EYS: variants seen among roughly 807,000 people sequenced by gnomAD.
EYS encodes protein eyes shut homolog.
A neutral mutation model predicts 282.1 loss-of-function variants in EYS; 250 were observed. The ratio of observed to expected loss-of-function variants is 0.89; its 90% CI spans 0.80 to 0.98. The LOEUF (loss-of-function observed/expected upper bound fraction) is 0.98. EYS is among the 50% of genes least tolerant of loss of function. The pLI is 0.00. For synonymous variants in EYS, 1,355 were observed against 1,282.9 expected, an observed-to-expected ratio of 1.06 and a Z score of -1.20; for missense variants, 4,016 against 3,709.0, an observed-to-expected ratio of 1.08 and a Z score of -2.15.
At chr6:64,434,287 T>G (rs1774667776) in intron 28 of EYS, among the ~76,000 whole-genome samples, 1 of 152,078 alleles carries the variant, frequency 6.6e-6, no homozygotes, top group African/African-American at 2.4e-5. Context: ...TTAAATTGCC[T>G]GTAGAATAGT....
intron 31 of EYS, among the ~76,000 whole-genome samples, chr6:64,212,717 C>A (rs1367080880): frequency 6.6e-6 from 1 of 151,868 alleles, no homozygotes; most frequent in Non-Finnish European, 1.5e-5. Flanking sequence ...TTTCAAAGAC[C>A]TAAAGACAGA....
chr6:65,001,533 G>C (rs1047852506), intron 13 of EYS, among the ~76,000 whole-genome samples: 4 of 147,648 alleles, frequency 2.7e-5, no homozygotes, highest in African/African-American at 9.7e-5. Flanking sequence ...ATCTGGGTAC[G>C]GGCTAGGGAG....
chr6:63,962,228 G>A lies in EYS; in HGVS notation c.7055+22155C>T, dbSNP rs1372365933. On this transcript the variant is annotated intron_variant, in intron 35 of 42. Transcript: ENST00000503581. Reference sequence around the variant, plus strand: ...GGACTTCATGTCTAAAACACCAAAAGCAATGGCAACAAAAGCCAAAATTGA... The same window carrying A: ...GGACTTCATGTCTAAAACACCAAAAACAATGGCAACAAAAGCCAAAATTGA... Among the ~76,000 whole-genome samples, 3 of 152,218 alleles carry A rather than the reference G, an allele frequency of 2.0e-5. No homozygotes were observed. The East Asian group carries it at 5.8e-4, about 29-fold the overall frequency.
intron 13 of EYS, among the ~76,000 whole-genome samples, chr6:65,001,162 C>T (rs1771452626): frequency 8.4e-6 from 1 of 119,104 alleles, no homozygotes. Context: ...CTGAATGGAC[C>T]CTCTGCCTTT....
intron 29 of EYS, among the ~76,000 whole-genome samples, chr6:64,377,518 A>G (rs1057324688): frequency 1.3e-5 from 2 of 152,122 alleles, no homozygotes; most frequent in Non-Finnish European, 2.9e-5. Flanking sequence ...CTGTGCCTCA[A>G]TTCCCTTATC....
intron 2 of EYS, among the ~76,000 whole-genome samples, chr6:65,561,846 ATTAT>A (rs1769071942): frequency 6.6e-6 from 1 of 151,866 alleles, no homozygotes; most frequent in Non-Finnish European, 1.5e-5. Context: ...TACCATGAAT[ATTAT>A]TTAGTTAATA....
chr6:64,374,699 G>A (rs745536308), intron 29 of EYS, among the ~76,000 whole-genome samples: 1 of 152,138 alleles, frequency 6.6e-6, no homozygotes, highest in Non-Finnish European at 1.5e-5. Flanking sequence ...CGTGAGAGTG[G>A]CATACAAGAG....
At chr6:63,753,463 A>T (rs1012185235) in intron 41 of EYS, among the ~76,000 whole-genome samples, 4 of 151,966 alleles carry the variant, frequency 2.6e-5, no homozygotes, top group East Asian at 1.9e-4. Flanking sequence ...TCTAGATTTT[A>T]AAAAAAATCT....
intron 35 of EYS, among the ~76,000 whole-genome samples, chr6:63,923,109 G>C (rs1335599288): frequency 6.6e-6 from 1 of 152,140 alleles, no homozygotes; most frequent in African/African-American, 2.4e-5. Flanking sequence ...GCCATAGGCT[G>C]TTATAGGATG....
intron 32 of EYS, among the ~76,000 whole-genome samples, chr6:64,077,912 C>T (rs1477434693): frequency 6.6e-6 from 1 of 152,070 alleles, no homozygotes; most frequent in Non-Finnish European, 1.5e-5. Flanking sequence ...GCTTTCTTTT[C>T]ATCTTGACTG....
chr6:65,446,005 T>G (rs937461786), intron 5 of EYS, among the ~76,000 whole-genome samples: 5 of 151,814 alleles, frequency 3.3e-5, no homozygotes, highest in Non-Finnish European at 4.4e-5. Context: ...GTTTGAAAAT[T>G]TTCATAGTAT....
At chr6:64,361,335 C>T (rs1771996740) in intron 29 of EYS, among the ~76,000 whole-genome samples, 1 of 151,510 alleles carries the variant, frequency 6.6e-6, no homozygotes, top group African/African-American at 2.4e-5. Context: ...AGTAAACTGA[C>T]TGCAGAGCGA....
intron 26 of EYS, among the ~76,000 whole-genome samples, chr6:64,478,756 C>G (rs552575048): frequency 2.5e-4 from 38 of 150,896 alleles, no homozygotes; most frequent in East Asian, 2.1e-3. Context: ...TGTATTTTAT[C>G]TGTTTAACTC....
chr6:63,822,533 A>T (rs548874306), intron 36 of EYS: 1 of 152,352 alleles, frequency 6.6e-6, no homozygotes, highest in East Asian at 1.9e-4. Flanking sequence ...CTTTCATTTG[A>T]GGGGAAAAAG....
chr6:64,791,716 A>T (rs1285742090), intron 22 of EYS, among the ~76,000 whole-genome samples: 1 of 151,878 alleles, frequency 6.6e-6, no homozygotes, highest in Non-Finnish European at 1.5e-5. Context: ...ACTAATAAAT[A>T]CTAATTGATT....
chr6:64,494,711 A>G (rs1776839602), intron 26 of EYS, among the ~76,000 whole-genome samples: 1 of 151,666 alleles, frequency 6.6e-6, no homozygotes, highest in Non-Finnish European at 1.5e-5. Flanking sequence ...TAACATTGGA[A>G]TATGTGACCT....
At chr6:64,696,853 A>G (rs1002935971) in intron 22 of EYS, among the ~76,000 whole-genome samples, 7 of 152,178 alleles carry the variant, frequency 4.6e-5, no homozygotes, top group Non-Finnish European at 8.8e-5. Context: ...TGTTTTAAAT[A>G]TAGAAATAAA....
chr6:65,173,846 A>T (rs2150228971), intron 12 of EYS, among the ~76,000 whole-genome samples: 1 of 151,414 alleles, frequency 6.6e-6, no homozygotes, highest in Admixed American at 6.6e-5. Context: ...CTTGAAATTT[A>T]GTTGCATAGT....
chr6:64,063,204 A>G (rs896664368), intron 33 of EYS, among the ~76,000 whole-genome samples: 1 of 152,152 alleles, frequency 6.6e-6, no homozygotes. Flanking sequence ...CACAGTGATG[A>G]CTCATGAATT....
Sources: gnomAD v4.1 joint callset for allele counts (sites outside exome capture counted in the v4.1 genomes callset) on GRCh38, gnomAD v4.1.1 for gene constraint, MANE v1.5 for transcripts, NCBI Gene and HGNC (gene_info 2026-07-23, HGNC 2026-07-21) for gene names.